NAMPT: variants seen among roughly 807,000 people sequenced by gnomAD.
NAMPT encodes the protein NAmPRTase.
Under a neutral mutation model 58.7 loss-of-function variants are expected in NAMPT, and 7 were observed. That is an observed-to-expected ratio of 0.12 (90% confidence interval 0.07 to 0.22). The LOEUF (loss-of-function observed/expected upper bound fraction) is 0.22, where lower values mean the gene tolerates loss of function less well. Among genes scored for constraint, NAMPT ranks in the 10% least tolerant of loss-of-function variants. The pLI, the probability that NAMPT is intolerant of heterozygous loss-of-function variation, is 1.00. For missense variants in NAMPT, 271 were observed against 567.9 expected, an observed-to-expected ratio of 0.48 and a Z score of 5.31; for synonymous variants, 145 against 198.1, an observed-to-expected ratio of 0.73 and a Z score of 2.25.
chr7:106,252,110 T>C (rs1437858280), intron 10 of NAMPT, among the ~76,000 whole-genome samples: 2 of 152,194 alleles, frequency 1.3e-5, no homozygotes, highest in Non-Finnish European at 2.9e-5. Flanking sequence ...AATTATTTTC[T>C]AGTTTATTCT....
intron 4 of NAMPT, chr7:106,272,023 G>A (rs988453271): frequency 1.0e-5 from 3 of 299,198 alleles, no homozygotes; most frequent in African/African-American, 2.3e-5. Flanking sequence ...CCCTTCCTGA[G>A]AAATTAAACA....
At chr7:106,271,626 C>A (rs1256545051) in intron 4 of NAMPT, among the ~76,000 whole-genome samples, 1 of 151,804 alleles carries the variant, frequency 6.6e-6, no homozygotes, top group Non-Finnish European at 1.5e-5. Flanking sequence ...AGTTAATGGC[C>A]CATAAAAAGT....
At chr7:106,254,632 T>C (rs1792167923) in intron 8 of NAMPT, 128 bp from the exon 9 acceptor site, 1 of 1,056,184 alleles carries the variant, frequency 9.5e-7, no homozygotes, top group East Asian at 2.5e-5. Context: ...AATAAATAAT[T>C]ATAGCCCGCA....
Position 106,269,138 on chromosome 7 carries a change from G to A in NAMPT, c.606+16C>T. On this transcript the variant is annotated intron_variant, in intron 5 of 10. Coordinates refer to ENST00000222553, the MANE Select transcript of NAMPT (RefSeq NM_005746.3). ...AATCCACATTATATTAAATGAGGTT[G>A]GTTTCAGTTACTTACCTCTTGGGAA... is the stretch of plus-strand genomic sequence containing the variant. The A allele has an allele frequency of 1.9e-6, 3 of 1,600,282 alleles. No homozygotes were observed. Among genetic ancestry groups the A allele is most frequent in the Non-Finnish European group, 2.6e-6 (3 of 1,173,436 alleles).
chr7:106,254,232 A>C (rs1368159528), intron 9 of NAMPT, 132 bp downstream of exon 9: 1 of 905,024 alleles, frequency 1.1e-6, no homozygotes, highest in Middle Eastern at 3.1e-4. Context: ...TTCTGAGTTA[A>C]GGTCAGTAGT....
chr7:106,263,116 A>C (rs1792340521), intron 7 of NAMPT: 1 of 409,054 alleles, frequency 2.4e-6, no homozygotes, highest in Non-Finnish European at 4.4e-6. Context: ...ATTAATTAAA[A>C]TGGCAATGCT....
At chr7:106,277,886 C>T (rs919851471) in intron 1 of NAMPT, among the ~76,000 whole-genome samples, 5 of 152,072 alleles carry the variant, frequency 3.3e-5, no homozygotes, top group African/African-American at 1.2e-4. Context: ...AATTTATCTG[C>T]TTTTAAGAAA....
Position 106,263,459 on chromosome 7 carries a change from G to C in NAMPT, c.902C>G (p.Ser301Ter). ...TATTAGTGGTGCCTGTGTACTTCTT[G>C]ATACTATTAAATGTCTTAGATCTTC... ...WGEDLRHLIV[S>*]RSTQAPLIIR... Residue 301 changes from serine (S) to a stop codon, truncating the protein, a stop_gained, in exon 7 of 11, where the codon TCA becomes TGA. Transcript: ENST00000222553. LOFTEE classifies it high-confidence loss of function. The C allele has an allele frequency of 6.3e-7, 1 of 1,597,478 alleles. No homozygotes were observed. The highest frequency in any genetic ancestry group is 8.6e-7 in the Non-Finnish European group (1 of 1,165,448).
At chr7:106,271,029 T>C (rs1792521402) in intron 4 of NAMPT, among the ~76,000 whole-genome samples, 1 of 152,148 alleles carries the variant, frequency 6.6e-6, no homozygotes, top group Non-Finnish European at 1.5e-5. Flanking sequence ...TTATCCTACC[T>C]CTCTTCTTTA....
chr7:106,282,553 C>T (rs1477585118), intron 1 of NAMPT, among the ~76,000 whole-genome samples: 1 of 152,190 alleles, frequency 6.6e-6, no homozygotes, highest in African/African-American at 2.4e-5. Context: ...CGTCAGTGTC[C>T]TTAATTCCTT....
chr7:106,266,605 C>CT (rs34618435), intron 6 of NAMPT, among the ~76,000 whole-genome samples: 76,578 of 151,990 alleles, frequency 0.5, 22,156 homozygotes, highest in East Asian at 0.89. Flanking sequence ...AAATTACCAA[C>CT]TTTGAGCAAT....
chr7:106,275,438 GT>G (rs1331027937), intron 2 of NAMPT: 1 of 153,770 alleles, frequency 6.5e-6, no homozygotes, highest in Non-Finnish European at 1.5e-5. Context: ...TTTAGGGTTG[GT>G]AAGTCAGTAA....
Position 106,248,508 on chromosome 7 carries a change from A to G in NAMPT, c.*2575T>C, listed in dbSNP as rs1161611689. 1 of 152,294 alleles carries G rather than the reference A, an allele frequency of 6.6e-6. No homozygotes were observed. The highest frequency in any genetic ancestry group is 2.4e-5 in the African/African-American group (1 of 41,384). The allele number at this position is 152,294 out of a possible 1,614,324, so 9.4% of individuals were successfully genotyped here. ...AAATACCTTGCCATTTTTCTTTCTA[A>G]TTTTCCAAGATAGATTTCATTATAA... On this transcript the variant is annotated 3_prime_UTR_variant, in exon 11 of 11. Coordinates refer to ENST00000222553, the MANE Select transcript of NAMPT (RefSeq NM_005746.3).
intron 7 of NAMPT, among the ~76,000 whole-genome samples, chr7:106,262,542 C>T (rs983727753): frequency 6.6e-6 from 1 of 152,034 alleles, no homozygotes; most frequent in Non-Finnish European, 1.5e-5. Context: ...TCAGATTGGC[C>T]TATCATTTAA....
At chr7:106,284,641 T>C (rs1302459464) in intron 1 of NAMPT, 187 bp downstream of exon 1, 16 of 527,562 alleles carry the variant, frequency 3.0e-5, no homozygotes, top group Middle Eastern at 7.1e-4. Flanking sequence ...AGCCACCTCC[T>C]GCCCACTGCG....
chr7:106,282,533 G>A (rs569807495), intron 1 of NAMPT, among the ~76,000 whole-genome samples: 1 of 152,284 alleles, frequency 6.6e-6, no homozygotes, highest in South Asian at 2.1e-4. Context: ...GAAAATAGAG[G>A]AACCACAGTC....
chr7:106,280,357 G>A (rs542802722), intron 1 of NAMPT, among the ~76,000 whole-genome samples: 2 of 152,276 alleles, frequency 1.3e-5, no homozygotes, highest in Admixed American at 6.5e-5. Context: ...GCTATCAAAT[G>A]GTAGGGAAAT....
intron 4 of NAMPT, among the ~76,000 whole-genome samples, chr7:106,269,594 T>A (rs1016891827): frequency 1.3e-5 from 2 of 152,192 alleles, no homozygotes; most frequent in Non-Finnish European, 2.9e-5. Context: ...CAAATAATAT[T>A]TTGAAAGACT....
chr7:106,283,561 GAA>G (rs1377396508), intron 1 of NAMPT, among the ~76,000 whole-genome samples: 4 of 152,068 alleles, frequency 2.6e-5, no homozygotes, highest in African/African-American at 4.8e-5. Context: ...TGAACCAAGA[GAA>G]CACAAGAGGA....
Sources: gnomAD v4.1 joint callset for allele counts (sites outside exome capture counted in the v4.1 genomes callset) on GRCh38, gnomAD v4.1.1 for gene constraint, MANE v1.5 for transcripts, NCBI Gene and HGNC (gene_info 2026-07-23, HGNC 2026-07-21) for gene names.